The following KCTD1 variants were observed in gnomAD, a reference collection of about 807,000 sequenced individuals.
KCTD1 encodes potassium channel tetramerization domain containing 1, also known as BTB/POZ domain-containing protein KCTD1.
KCTD1 carries 24 observed loss-of-function variants against 66.0 expected under a neutral mutation model. The ratio of observed to expected loss-of-function variants is 0.36; its 90% CI spans 0.26 to 0.51. The LOEUF (loss-of-function observed/expected upper bound fraction) is 0.51, where lower values mean the gene tolerates loss of function less well. Among genes scored for constraint, KCTD1 ranks in the 20% least tolerant of loss-of-function variants. The pLI is 0.95. For missense variants in KCTD1, 943 were observed against 1,205.2 expected (o/e 0.78, Z 3.22); for synonymous variants, 511 against 517.2 (o/e 0.99, Z 0.16).
chr18:26,546,280 A>T (rs1306742980), intron 1 of KCTD1, among the ~76,000 whole-genome samples: 2 of 151,948 alleles, frequency 1.3e-5, no homozygotes, highest in African/African-American at 4.8e-5. Context: ...CTTTTCAATA[A>T]TTTATAACTG....
rs566321697 is a variant in KCTD1 at position 26,636,372 on chromosome 18, T to C, written c.-107+3939A>G. On this transcript the variant is annotated intron_variant, in intron 1 of 5. Transcript: ENST00000579973. ...AGGAACATCACAGCTAGTATTGCCC[T>C]TCGACCTGAGCAAGCTGGGACCCTG... Among the ~76,000 whole-genome samples, 125 of 152,278 alleles carry C rather than the reference T, an allele frequency of 8.2e-4. 1 individual carries two copies. The highest frequency in any genetic ancestry group is 1.4e-3 in the Non-Finnish European group (96 of 68,000).
chr18:26,522,466 TC>T (rs540679016), intron 1 of KCTD1, among the ~76,000 whole-genome samples: 15 of 152,280 alleles, frequency 9.9e-5, no homozygotes, highest in African/African-American at 3.6e-4. Flanking sequence ...ATCTCAGACT[TC>T]CGGCCTTCAG....
intron 1 of KCTD1, among the ~76,000 whole-genome samples, chr18:26,593,336 A>AGAG (rs1450558108): frequency 1.0e-4 from 12 of 115,404 alleles, no homozygotes; most frequent in African/African-American, 3.3e-4. Context: ...AGGAGGAGGA[A>AGAG]GAGGAGGAAG....
At chr18:26,470,834 C>T (rs772658392) in intron 3 of KCTD1, among the ~76,000 whole-genome samples, 2 of 152,120 alleles carry the variant, frequency 1.3e-5, no homozygotes, top group Non-Finnish European at 2.9e-5. Flanking sequence ...TCCTGAATTC[C>T]AGTAAAGGCC....
intron 1 of KCTD1, among the ~76,000 whole-genome samples, chr18:26,600,598 G>A (rs971712193): frequency 6.6e-6 from 1 of 152,066 alleles, no homozygotes; most frequent in African/African-American, 2.4e-5. Context: ...GTTAAGAGAA[G>A]GGAGTGTGTC....
intron 1 of KCTD1, among the ~76,000 whole-genome samples, chr18:26,514,695 C>T (rs1983559637): frequency 6.6e-6 from 1 of 152,176 alleles, no homozygotes; most frequent in Non-Finnish European, 1.5e-5. Flanking sequence ...CCTCCTGGAC[C>T]TAGGTGACAT....
At chr18:26,563,683 T>G (rs1985915218) in intron 1 of KCTD1, among the ~76,000 whole-genome samples, 1 of 152,244 alleles carries the variant, frequency 6.6e-6, no homozygotes, top group South Asian at 2.1e-4. Flanking sequence ...CACTGCCACT[T>G]ATGTGTTGTG....
chr18:26,530,086 T>C (rs1473112006), intron 1 of KCTD1, among the ~76,000 whole-genome samples: 2 of 152,220 alleles, frequency 1.3e-5, no homozygotes, highest in Non-Finnish European at 2.9e-5. Flanking sequence ...AATGGAAGAC[T>C]AGACAGATTC....
At chr18:26,480,541 G>A (rs1981585974) in intron 2 of KCTD1, among the ~76,000 whole-genome samples, 1 of 152,142 alleles carries the variant, frequency 6.6e-6, no homozygotes. Context: ...AGGCTGAGGT[G>A]GGCAGATCCC....
Position 26,500,438 on chromosome 18 carries a change from A to T in KCTD1, c.1988+634T>A, listed in dbSNP as rs553224274. On this transcript the variant is annotated intron_variant, in intron 2 of 4. Transcript: ENST00000580059. Reference sequence around the variant, plus strand: ...CTGGCTCCAAAATAATAATAATAATAAAAAAAATGGGTGGGCAGGGGCATG... The same window carrying T: ...CTGGCTCCAAAATAATAATAATAATTAAAAAAATGGGTGGGCAGGGGCATG... Among the ~76,000 whole-genome samples the T allele has an allele frequency of 3.8e-4, 57 of 151,912 alleles. 1 individual carries two copies. In the South Asian group the frequency reaches 0.01, roughly 28 times the overall value.
intron 1 of KCTD1, among the ~76,000 whole-genome samples, chr18:26,634,967 G>A (rs763253111): frequency 1.3e-5 from 2 of 151,966 alleles, no homozygotes; most frequent in South Asian, 2.1e-4. Flanking sequence ...GACTCAGAAA[G>A]CAAAAGAAAC....
intron 1 of KCTD1, among the ~76,000 whole-genome samples, chr18:26,506,677 C>T (rs190623888): frequency 6.6e-5 from 10 of 152,194 alleles, no homozygotes; most frequent in Admixed American, 5.9e-4. Flanking sequence ...ACCATAACAT[C>T]CTTGTGTCTG....
At chr18:26,472,423 GTTTTA>G (rs900768573) in intron 3 of KCTD1, among the ~76,000 whole-genome samples, 2 of 151,960 alleles carry the variant, frequency 1.3e-5, no homozygotes, top group Non-Finnish European at 2.9e-5. Flanking sequence ...TTATTTTATT[GTTTTA>G]TTTTAATGAC....
intron 1 of KCTD1, among the ~76,000 whole-genome samples, chr18:26,560,283 C>T (rs1985816492): frequency 6.6e-6 from 1 of 152,054 alleles, no homozygotes; most frequent in Non-Finnish European, 1.5e-5. Flanking sequence ...TGCCAGATCC[C>T]ACCCCAGATT....
chr18:26,523,309 C>T (rs1984003982), intron 1 of KCTD1, among the ~76,000 whole-genome samples: 1 of 152,136 alleles, frequency 6.6e-6, no homozygotes, highest in African/African-American at 2.4e-5. Context: ...GGTCGGTGTT[C>T]CCTCTACTTT....
chr18:26,656,671 G>C (rs1413475888), intron 1 of KCTD1, among the ~76,000 whole-genome samples: 1 of 151,356 alleles, frequency 6.6e-6, no homozygotes, highest in Non-Finnish European at 1.5e-5. Flanking sequence ...CGTCTTTCAC[G>C]GGGCGTCCGG....
intron 1 of KCTD1, among the ~76,000 whole-genome samples, chr18:26,576,612 A>G (rs530354300): frequency 1.5e-4 from 23 of 152,280 alleles, no homozygotes; most frequent in African/African-American, 5.5e-4. Context: ...GTTCCTCATC[A>G]ATCCCACCCC....
At chr18:26,518,003 G>A (rs967185117) in intron 1 of KCTD1, among the ~76,000 whole-genome samples, 1 of 152,204 alleles carries the variant, frequency 6.6e-6, no homozygotes, top group African/African-American at 2.4e-5. Flanking sequence ...ATGGTACTCA[G>A]AATCACCCTA....
upstream of KCTD1, among the ~76,000 whole-genome samples, chr18:26,629,724 CTT>C (rs11379360): frequency 3.4e-5 from 5 of 144,988 alleles, no homozygotes; most frequent in African/African-American, 5.0e-5. Context: ...ACCCCCCCGC[CTT>C]TTTTTTTTTT....
Sources: allele counts gnomAD v4.1 joint callset (sites outside exome capture counted in the v4.1 genomes callset), GRCh38; gene constraint gnomAD v4.1.1; transcripts MANE v1.5; gene names NCBI Gene and HGNC (gene_info 2026-07-23, HGNC 2026-07-21).